The following EDN2 variants were observed in gnomAD, a reference collection of about 807,000 sequenced individuals.
EDN2 encodes endothelin 2, also known as endothelin-2.
A neutral mutation model predicts 19.9 loss-of-function variants in EDN2; 10 were observed. That is an observed-to-expected ratio of 0.50 (90% CI 0.31 to 0.85). EDN2 has a LOEUF of 0.85. Ranked by LOEUF, EDN2 falls within the 40% of genes least tolerant of loss-of-function variation. The pLI, the probability that EDN2 is intolerant of heterozygous loss-of-function variation, is 0.05. For synonymous variants in EDN2, 84 were observed against 94.9 expected, an observed-to-expected ratio of 0.89 and a Z score of 0.67; for missense variants, 222 against 239.3, an observed-to-expected ratio of 0.93 and a Z score of 0.48.
chr1:41,481,794 G>C (rs946914889), intron 3 of EDN2, among the ~76,000 whole-genome samples: 1 of 152,138 alleles, frequency 6.6e-6, no homozygotes, highest in African/African-American at 2.4e-5. Flanking sequence ...ACCCGCCTCG[G>C]ACTCCCAAAG....
intron 3 of EDN2, among the ~76,000 whole-genome samples, chr1:41,481,731 G>T (rs1469667029): frequency 6.6e-6 from 1 of 152,112 alleles, no homozygotes; most frequent in Non-Finnish European, 1.5e-5. Flanking sequence ...AGTAGAGACA[G>T]GGTTTCACCA....
At chr1:41,484,261 C>T (rs1257162208) in intron 1 of EDN2, 58 bp from the exon 2 acceptor site, 6 of 1,581,054 alleles carry the variant, frequency 3.8e-6, no homozygotes, top group Admixed American at 1.7e-5. Flanking sequence ...CTGGCACATC[C>T]CAGAGTGGGG....
intron 1 of EDN2, 129 bp downstream of exon 1, chr1:41,484,409 C>A: frequency 7.4e-7 from 1 of 1,359,644 alleles, no homozygotes; most frequent in Non-Finnish European, 1.0e-6. Flanking sequence ...CTTTCCCCTG[C>A]CACCACTGCC....
At chr1:41,481,269 GC>G in intron 3 of EDN2, 76 bp from the exon 4 acceptor site, 1 of 1,241,842 alleles carries the variant, frequency 8.1e-7, no homozygotes, top group Non-Finnish European at 1.2e-6. Flanking sequence ...GCCCAGCCCA[GC>G]CCCCACCCCT....
Position 41,484,306 on chromosome 1 carries a change from G to A in EDN2, c.65-103C>T. ...TGCCCCTCCTCTTGCATAATCGAGG[G>A]AGTTGGCACTCTTGCTGCTCAAGAG... On this transcript the variant is annotated intron_variant, in intron 1 of 4. Transcript: ENST00000372587. 3 of 1,437,900 alleles carry A rather than the reference G, an allele frequency of 2.1e-6. No individual in the cohort carries two copies. The South Asian group carries it at 4.1e-5, about 20-fold the overall frequency. 89.1% of individuals were successfully genotyped at this position (1,437,900 alleles called of 1,614,324 possible). A position where few individuals can be genotyped will look rare whatever the true frequency, so the allele number is the denominator to read the frequency against.
chr1:41,484,467 C>A, intron 1 of EDN2, 71 bp downstream of exon 1: 2 of 1,527,798 alleles, frequency 1.3e-6, no homozygotes, highest in Admixed American at 2.0e-5. Context: ...GGAGGCACTG[C>A]AGCCCTAGAG....
intron 1 of EDN2, 75 bp from the exon 2 acceptor site, chr1:41,484,278 C>T: frequency 6.5e-7 from 1 of 1,530,880 alleles, no homozygotes; most frequent in Admixed American, 1.9e-5. Context: ...GGGGGACCCA[C>T]CATGCCCCTC....
chr1:41,479,398 A>G lies in EDN2; in HGVS notation c.*11T>C. The G allele has an allele frequency of 6.2e-7, 1 of 1,611,208 alleles. No individual in the cohort carries two copies. Among genetic ancestry groups the G allele is most frequent in the Non-Finnish European group, 8.5e-7 (1 of 1,177,372 alleles). ...CGGGCTTCCTTCCCAATGTTCCTCC[A>G]GCTCACGACACTATCTCTTCCTCCA... On this transcript the variant is annotated 3_prime_UTR_variant, in exon 5 of 5. Transcript: ENST00000372587.
intron 1 of EDN2, 144 bp from the exon 2 acceptor site, chr1:41,484,347 G>T (rs55763227): frequency 1.6e-5 from 21 of 1,319,034 alleles, no homozygotes; most frequent in Admixed American, 4.8e-5. Flanking sequence ...GGCCAGCCCA[G>T]GGAAGTCCCA....
At chr1:41,484,239 G>A in intron 1 of EDN2, 36 bp from the exon 2 acceptor site, 1 of 1,600,992 alleles carries the variant, frequency 6.2e-7, no homozygotes, top group Non-Finnish European at 8.5e-7. Flanking sequence ...GTGGAGAGGT[G>A]GGTTGGGGTG....
At chr1:41,480,080 C>T (rs1644234145) in intron 4 of EDN2, among the ~76,000 whole-genome samples, 1 of 152,228 alleles carries the variant, frequency 6.6e-6, no homozygotes, top group African/African-American at 2.4e-5. Context: ...GATCCCCTTT[C>T]TTAGCTTGTA....
intron 3 of EDN2, among the ~76,000 whole-genome samples, chr1:41,481,401 C>T (rs929005468): frequency 2.0e-5 from 3 of 152,192 alleles, no homozygotes. Flanking sequence ...GTGTTCTTAG[C>T]CCCAGAAAGA....
In EDN2 at chr1:41,479,166, C is replaced by T. The variant is rs1368325614; in HGVS notation, c.*243G>A. The T allele has an allele frequency of 1.6e-6, 1 of 619,420 alleles. No individual in the cohort carries two copies. The highest frequency in any genetic ancestry group is 3.0e-6 in the Non-Finnish European group (1 of 333,992). The allele number at this position is 619,420 out of a possible 1,614,324, so 38.4% of individuals were successfully genotyped here. ...TCCAGCAGAGCTGTGGGCCAGCAGCCAGCACTGGAGGCTGCTCCGCAGTCT... is the reference window on the plus strand; with the variant it reads ...TCCAGCAGAGCTGTGGGCCAGCAGCTAGCACTGGAGGCTGCTCCGCAGTCT... On this transcript the variant is annotated 3_prime_UTR_variant, in exon 5 of 5. Transcript: ENST00000372587.
chr1:41,483,935 TG>T, intron 2 of EDN2, 111 bp downstream of exon 2: 2 of 1,172,516 alleles, frequency 1.7e-6, no homozygotes, highest in Non-Finnish European at 2.4e-6. Context: ...TGCCTCCATC[TG>T]GAGGCCCAGG....
chr1:41,481,137 C>G lies in EDN2; in HGVS notation c.401G>C (p.Gly134Ala), dbSNP rs780865794. ...CTCTCCTGTAGTGGCCCCTGTCTTG[C>G]CAGTCTGGAACACGTCTGCAGGGGA... ...RKSPADVFQT[G>A]KTGATTGELL... Residue 134 changes from glycine to alanine, a missense_variant, in exon 4 of 5, where the codon GGC becomes GCC. Gly to Ala is a moderately conservative substitution (Grantham distance 60). Transcript: ENST00000372587. 1 of 1,614,106 alleles carries G rather than the reference C, an allele frequency of 6.2e-7. No individual in the cohort carries two copies. Among genetic ancestry groups the G allele is most frequent in the Admixed American group, 1.7e-5 (1 of 60,018 alleles).
rs201795232 is a variant in EDN2, at chr1:41,482,558, C to A, written c.252G>T (p.Pro84=). ...GCAGGGAGCGGCGCCGGCGTCTTGG[C>A]GGGTTTCCCAGGCCGTAAGGAGCTG... ...EQTAPYGLGN[P]PRRRRRSLPR... Residue 84 remains proline, a synonymous_variant, in exon 3 of 5, where the codon CCG becomes CCT. Coordinates refer to ENST00000372587, the MANE Select transcript of EDN2 (RefSeq NM_001956.5). 33 of 1,587,024 alleles carry A rather than the reference C, an allele frequency of 2.1e-5. No homozygotes were observed. The highest frequency in any genetic ancestry group is 3.4e-5 in the South Asian group (3 of 88,988).
At chr1:41,480,755 G>A (rs1490654008) in intron 4 of EDN2, 3 of 504,566 alleles carry the variant, frequency 5.9e-6, no homozygotes, top group Admixed American at 2.3e-5. Context: ...AGCAGGCTGG[G>A]CAGTTGGCCC....
chr1:41,479,404 C>A lies in EDN2; in HGVS notation c.*5G>T. On this transcript the variant is annotated 3_prime_UTR_variant, in exon 5 of 5. Transcript: ENST00000372587. ...TCCTTCCCAATGTTCCTCCAGCTCA[C>A]GACACTATCTCTTCCTCCACCTGGA... is the stretch of plus-strand genomic sequence containing the variant. 2 of 1,612,682 alleles carry A rather than the reference C, an allele frequency of 1.2e-6. No individual in the cohort carries two copies. The highest frequency in any genetic ancestry group is 1.7e-6 in the Non-Finnish European group (2 of 1,178,666).
chr1:41,482,375 G>T (rs1228369789), intron 3 of EDN2, 91 bp downstream of exon 3: 2 of 1,394,428 alleles, frequency 1.4e-6, no homozygotes, highest in Non-Finnish European at 1.9e-6. Flanking sequence ...TTGCCAGTTC[G>T]CTCCTCTGCT....
Sources: allele counts gnomAD v4.1 joint callset (sites outside exome capture counted in the v4.1 genomes callset), GRCh38; gene constraint gnomAD v4.1.1; transcripts MANE v1.5; gene names NCBI Gene and HGNC (gene_info 2026-07-23, HGNC 2026-07-21).